OR6N1: variants seen among roughly 807,000 people sequenced by gnomAD.
OR6N1 encodes the protein olfactory receptor 6N1.
For missense variants in OR6N1, 394 were observed against 371.7 expected (o/e 1.06, Z -0.49); for synonymous variants, 170 against 150.7 (o/e 1.13, Z -0.94).
chr1:158,798,087 G>A, the OR6N1 span, among the ~76,000 whole-genome samples: 1 of 151,760 alleles, frequency 6.6e-6, no homozygotes, highest in African/African-American at 2.4e-5. Flanking sequence ...AAACTTTGAT[G>A]CATCTGTAAT....
At chr1:158,799,318 G>A in the OR6N1 span, among the ~76,000 whole-genome samples, 2 of 152,052 alleles carry the variant, frequency 1.3e-5, no homozygotes, top group Non-Finnish European at 2.9e-5. Context: ...AATAAACATA[G>A]ACAAAAAATA....
chr1:158,820,403 G>A, the OR6N1 span, among the ~76,000 whole-genome samples: 1 of 152,102 alleles, frequency 6.6e-6, no homozygotes. Context: ...TAAATTGTAG[G>A]GCAATGTAGC....
At chr1:158,773,629 C>G (rs1657478978), upstream of OR6N1, among the ~76,000 whole-genome samples, 1 of 152,144 alleles carries the variant, frequency 6.6e-6, no homozygotes, top group South Asian at 2.1e-4. Context: ...CTTACAAAAT[C>G]TATAGACTGT....
At chr1:158,769,653 T>C (rs1350135163) in intron 1 of OR6N1, among the ~76,000 whole-genome samples, 1 of 152,176 alleles carries the variant, frequency 6.6e-6, no homozygotes, top group African/African-American at 2.4e-5. Context: ...CTGAAATTCA[T>C]CCAAACTAAC....
chr1:158,820,715 C>A, the OR6N1 span, among the ~76,000 whole-genome samples: 1 of 152,144 alleles, frequency 6.6e-6, no homozygotes, highest in East Asian at 1.9e-4. Context: ...CCTGCAATTA[C>A]TTATAGACCA....
chr1:158,819,762 T>C, the OR6N1 span, among the ~76,000 whole-genome samples: 1 of 152,194 alleles, frequency 6.6e-6, no homozygotes, highest in Non-Finnish European at 1.5e-5. Flanking sequence ...CACATATACA[T>C]AGTACTGTTT....
the OR6N1 span, among the ~76,000 whole-genome samples, chr1:158,827,500 G>A: frequency 1.3e-5 from 2 of 152,172 alleles, no homozygotes; most frequent in African/African-American, 4.8e-5. Flanking sequence ...GAGATGGAAG[G>A]GAGCATTGTG....
At chr1:158,830,079 T>C in the OR6N1 span, among the ~76,000 whole-genome samples, 1 of 152,220 alleles carries the variant, frequency 6.6e-6, no homozygotes, top group Non-Finnish European at 1.5e-5. Flanking sequence ...AGATGGGATT[T>C]GGGTGGGAAC....
chr1:158,770,801 C>A (rs562820437), intron 1 of OR6N1, among the ~76,000 whole-genome samples: 26 of 152,340 alleles, frequency 1.7e-4, no homozygotes, highest in African/African-American at 6.3e-4. Context: ...CATATCGCCA[C>A]AAATGGGCAT....
chr1:158,765,914 A>C lies in OR6N1; in HGVS notation c.769T>G (p.Ser257Ala). The C allele has an allele frequency of 6.2e-7, 1 of 1,614,166 alleles. No homozygotes were observed. Among genetic ancestry groups the C allele is most frequent in the Non-Finnish European group, 8.5e-7 (1 of 1,180,000 alleles). ...VVLIFYGSIL[S>A]MYVQLKKSYS... The stretch of plus-strand genomic sequence containing the variant: ...CTCTTCTTCAGCTGCACATACATGG[A>C]AAGGATGCTCCCATAGAAGATGAGA... Residue 257 changes from serine (S) to alanine (A), a missense_variant, in exon 2 of 2, where the codon TCC becomes GCC. Ser to Ala is a moderately conservative substitution (Grantham distance 99). Coordinates refer to ENST00000641846, the MANE Select transcript of OR6N1 (RefSeq NM_001005185.2).
the OR6N1 span, among the ~76,000 whole-genome samples, chr1:158,807,785 T>C: frequency 1.3e-5 from 2 of 152,046 alleles, no homozygotes; most frequent in Non-Finnish European, 2.9e-5. Flanking sequence ...CTTTCTGTAT[T>C]GCACTGTCTC....
Position 158,764,700 on chromosome 1 carries a change from G to A in OR6N1, c.*1044C>T, listed in dbSNP as rs1426501578. 1.3e-5 allele frequency: 2 copies of A among 152,032 alleles called. No individual in the cohort carries two copies. Among genetic ancestry groups the A allele is most frequent in the African/African-American group, 4.8e-5 (2 of 41,420 alleles). 9.4% of individuals were successfully genotyped at this position (152,032 alleles called of 1,614,324 possible). On this transcript the variant is annotated 3_prime_UTR_variant, in exon 2 of 2. Transcript: ENST00000641846. The stretch of plus-strand genomic sequence containing the variant: ...AATTGAATCCCCAGATCTCTCATAT[G>A]CTACATTTTAGAATTATTTTTCACA...
the OR6N1 span, among the ~76,000 whole-genome samples, chr1:158,787,658 C>CAA: frequency 6.6e-6 from 1 of 151,592 alleles, no homozygotes; most frequent in Non-Finnish European, 1.5e-5. Context: ...CACACACACA[C>CAA]ACACACACAC....
At chr1:158,827,631 A>G in the OR6N1 span, among the ~76,000 whole-genome samples, 1 of 152,234 alleles carries the variant, frequency 6.6e-6, no homozygotes, top group East Asian at 1.9e-4. Context: ...GGTGAGTTAG[A>G]ACAGTAATGA....
intron 1 of OR6N1, among the ~76,000 whole-genome samples, chr1:158,770,066 T>C (rs573960183): frequency 3.9e-5 from 6 of 152,208 alleles, no homozygotes; most frequent in Admixed American, 6.5e-5. Flanking sequence ...CCTCTTTCCT[T>C]TTCTGGCCTC....
the OR6N1 span, among the ~76,000 whole-genome samples, chr1:158,835,302 G>A: frequency 6.6e-6 from 1 of 152,200 alleles, no homozygotes; most frequent in South Asian, 2.1e-4. Context: ...TTCCTTCAAA[G>A]TGTTGTATAA....
chr1:158,782,809 TA>T, the OR6N1 span, among the ~76,000 whole-genome samples: 1 of 134,298 alleles, frequency 7.4e-6, no homozygotes, highest in Non-Finnish European at 1.6e-5. Context: ...TATTAAGTGG[TA>T]TTTTTTTTCC....
At chr1:158,801,104 T>C in the OR6N1 span, among the ~76,000 whole-genome samples, 1 of 152,126 alleles carries the variant, frequency 6.6e-6, no homozygotes, top group East Asian at 1.9e-4. Context: ...CAAAAGTACA[T>C]AGAACAAAAT....
chr1:158,776,689 T>G (rs767136930), upstream of OR6N1: 1 of 1,586,720 alleles, frequency 6.3e-7, no homozygotes, highest in South Asian at 1.1e-5. Flanking sequence ...AAGTCAAAGA[T>G]GAGCAAGACT....
Sources: gnomAD v4.1 joint callset for allele counts (sites outside exome capture counted in the v4.1 genomes callset) on GRCh38, gnomAD v4.1.1 for gene constraint, MANE v1.5 for transcripts, NCBI Gene and HGNC (gene_info 2026-07-23, HGNC 2026-07-21) for gene names.